Variants in MALT1 observed in about 807,000 individuals in gnomAD.
MALT1 encodes the protein mucosa-associated lymphoid tissue lymphoma translocation protein 1.
Under a neutral mutation model 85.5 loss-of-function variants are expected in MALT1, and 36 were observed. The ratio of observed to expected loss-of-function variants is 0.42; its 90% confidence interval spans 0.32 to 0.56. MALT1 has a LOEUF of 0.56. Among genes scored for constraint, MALT1 ranks in the 20% least tolerant of loss-of-function variants. The pLI, the probability that MALT1 is intolerant of heterozygous loss-of-function variation, is 0.10. For missense variants in MALT1, 716 were observed against 981.6 expected (o/e 0.73, Z 3.62); for synonymous variants, 359 against 361.3 (o/e 0.99, Z 0.07).
intron 1 of MALT1, among the ~76,000 whole-genome samples, chr18:58,673,134 ATTCTG>A (rs1716659752): frequency 6.6e-6 from 1 of 152,220 alleles, no homozygotes; most frequent in African/African-American, 2.4e-5. Flanking sequence ...GTCTCTTAAT[ATTCTG>A]TTATGTATAG....
intron 1 of MALT1, 124 bp downstream of exon 1, chr18:58,671,976 G>A (rs963317512): frequency 2.4e-5 from 14 of 584,054 alleles, no homozygotes; most frequent in African/African-American, 1.9e-4. Context: ...GAGCGGAGGT[G>A]GGGAGGACTT....
chr18:58,739,836 C>T (rs896525887), intron 13 of MALT1, among the ~76,000 whole-genome samples: 2 of 151,920 alleles, frequency 1.3e-5, no homozygotes, highest in African/African-American at 4.8e-5. Flanking sequence ...CACACGTGTA[C>T]GTGTACACAT....
At chr18:58,679,055 CG>C (rs2054281716) in intron 1 of MALT1, among the ~76,000 whole-genome samples, 1 of 152,164 alleles carries the variant, frequency 6.6e-6, no homozygotes, top group African/African-American at 2.4e-5. Context: ...GTTGATTGCT[CG>C]GTTTTTTCTT....
rs146336618 is a variant in MALT1 at position 58,710,820 on chromosome 18, G to T, written c.926-101G>T. 2.3e-4 allele frequency: 166 copies of T among 712,182 alleles called. 3 individuals carry two copies. In the African/African-American group the frequency reaches 3.1e-3, roughly 13 times the overall value. The allele number at this position is 712,182 out of a possible 1,614,324, so 44.1% of individuals were successfully genotyped here. Reference sequence around the variant, plus strand: ...GAGGTATTGATGCATGTGTTGGTTTGCCAACATTATCTCTATGATATTGAT... The same window carrying T: ...GAGGTATTGATGCATGTGTTGGTTTTCCAACATTATCTCTATGATATTGAT... On this transcript the variant is annotated intron_variant, in intron 6 of 16. Coordinates refer to ENST00000649217, the MANE Select transcript of MALT1 (RefSeq NM_006785.4).
At chr18:58,723,978 C>G (rs1053444898) in intron 10 of MALT1, among the ~76,000 whole-genome samples, 3 of 152,114 alleles carry the variant, frequency 2.0e-5, no homozygotes, top group Non-Finnish European at 1.5e-5. Context: ...TCATCTGAAC[C>G]GTGTTTTGCA....
intron 2 of MALT1, among the ~76,000 whole-genome samples, chr18:58,694,487 GAAAAT>G (rs1453936817): frequency 6.6e-6 from 1 of 152,130 alleles, no homozygotes; most frequent in African/African-American, 2.4e-5. Flanking sequence ...GACAAGGAAA[GAAAAT>G]AAAAGTAGGT....
At chr18:58,707,358 T>C (rs961873728) in intron 4 of MALT1, among the ~76,000 whole-genome samples, 11 of 150,838 alleles carry the variant, frequency 7.3e-5, no homozygotes, top group Non-Finnish European at 1.5e-4. Flanking sequence ...TGCTTTTCTT[T>C]TTCTTTTTTT....
chr18:58,704,990 C>T (rs2054725294), intron 4 of MALT1, among the ~76,000 whole-genome samples: 1 of 151,984 alleles, frequency 6.6e-6, no homozygotes, highest in African/African-American at 2.4e-5. Flanking sequence ...TTTTGATCCT[C>T]CTTTCCTGAC....
chr18:58,676,385 ATTG>A (rs773988701), intron 1 of MALT1, among the ~76,000 whole-genome samples: 1 of 151,200 alleles, frequency 6.6e-6, no homozygotes, highest in Non-Finnish European at 1.5e-5. Context: ...CAACTCTCCT[ATTG>A]TTTTTCCATC....
rs1183367798 is a variant in MALT1 at position 58,735,300 on chromosome 18, T to C, written c.1574T>C (p.Ile525Thr). 1.2e-6 allele frequency: 2 copies of C among 1,607,038 alleles called. No individual in the cohort carries two copies. The change falls in exon 13 of 17, where the codon ATC becomes ACC. Residue 525 changes from isoleucine (I) to threonine (T), a missense_variant. Physicochemically the swap from Ile to Thr is moderately conservative, Grantham distance 89. Transcript: ENST00000649217. ...GACAGATTATTAGAAGATAAGAAAA[T>C]CACTGTGTTACTGGATGAAGTTGCA... is the stretch of plus-strand genomic sequence containing the variant. ...LKDRLLEDKK[I>T]TVLLDEVAED...
At position 58,747,756 on chromosome 18, in the gene MALT1, C is replaced by CA. The variant is rs1025023413; in HGVS notation, c.2390dup (p.His797GlnfsTer3). Reference sequence around the variant, plus strand: ...AAGTTTCGCTCACCATGCTTCATGTCATTTTAGTAGAAGTAATGTGCCAGT... The same window carrying CA: ...AAGTTTCGCTCACCATGCTTCATGTCAATTTTAGTAGAAGTAATGTGCCAGT... On this transcript the variant is annotated frameshift_variant, in exon 17 of 17. Coordinates refer to ENST00000649217, the MANE Select transcript of MALT1 (RefSeq NM_006785.4). LOFTEE classifies it high-confidence loss of function. 6.2e-7 allele frequency: 1 copy of CA among 1,613,924 alleles called. No homozygotes were observed. The highest frequency in any genetic ancestry group is 1.3e-5 in the African/African-American group (1 of 74,946).
At chr18:58,731,985 T>C (rs2055157049) in intron 10 of MALT1, among the ~76,000 whole-genome samples, 1 of 152,160 alleles carries the variant, frequency 6.6e-6, no homozygotes, top group Non-Finnish European at 1.5e-5. Context: ...TTTTTCTCAT[T>C]TTAATCGAAA....
chr18:58,730,438 T>G (rs75659866), intron 10 of MALT1, among the ~76,000 whole-genome samples: 15,342 of 152,278 alleles, frequency 0.1, 1,048 homozygotes, highest in Admixed American at 0.16. Context: ...CTTCTTTCAC[T>G]TCACATGTTT....
rs2055436678 is a variant in MALT1, at chr18:58,750,836, C to T, written c.*2994C>T. The T allele has an allele frequency of 6.6e-6, 1 of 152,034 alleles. No homozygotes were observed. Among genetic ancestry groups the T allele is most frequent in the South Asian group, 2.1e-4 (1 of 4,814 alleles). The allele number at this position is 152,034 out of a possible 1,614,324, so 9.4% of individuals were successfully genotyped here. A position where few individuals can be genotyped will look rare whatever the true frequency, so the allele number is the denominator to read the frequency against. On this transcript the variant is annotated 3_prime_UTR_variant, in exon 17 of 17. Transcript: ENST00000649217. ...AGGAATGGTTTCTTAGACATAATAC[C>T]AAAAGCACAAGCAACAAAGGCAAAC...
intron 2 of MALT1, among the ~76,000 whole-genome samples, chr18:58,693,174 A>G (rs542928084): frequency 6.6e-6 from 1 of 152,248 alleles, no homozygotes; most frequent in East Asian, 1.9e-4. Context: ...TAATCCCACC[A>G]CTCTGGGAGG....
chr18:58,734,260 T>C, intron 11 of MALT1, 47 bp from the exon 12 acceptor site: 1 of 1,356,792 alleles, frequency 7.4e-7, no homozygotes, highest in Non-Finnish European at 1.1e-6. Context: ...AGAATGCTCT[T>C]TAACTTTTCA....
chr18:58,709,565 T>C lies in MALT1; in HGVS notation c.828+9T>C, dbSNP rs750591035. On this transcript the variant is annotated intron_variant, in intron 5 of 16. Coordinates refer to ENST00000649217, the MANE Select transcript of MALT1 (RefSeq NM_006785.4). ...CCAAAAAGCTATACATGGTAGGAAGTTGATTTTGGGGTCTTTTGGGGGAGT... is the reference window on the plus strand; with the variant it reads ...CCAAAAAGCTATACATGGTAGGAAGCTGATTTTGGGGTCTTTTGGGGGAGT... 1.9e-5 allele frequency: 30 copies of C among 1,584,502 alleles called. No homozygotes were observed. The Admixed American group carries it at 2.0e-4, about 11-fold the overall frequency.
intron 4 of MALT1, among the ~76,000 whole-genome samples, chr18:58,709,067 T>A (rs772759053): frequency 1.3e-4 from 20 of 152,216 alleles, no homozygotes; most frequent in Non-Finnish European, 2.9e-4. Flanking sequence ...CCAAACACAT[T>A]TAGAAGACAC....
rs372665783 is a variant in MALT1 at position 58,744,340 on chromosome 18, C to A, written c.1756C>A (p.Leu586Ile). ...RNLQWAKAHE[L>I]PESMCLKFDC... The stretch of plus-strand genomic sequence containing the variant: ...TTGTTCTTATTGTTCTTTTTCAGAA[C>A]TTCCAGAAAGTATGTGTCTTAAGTT... The change falls in exon 15 of 17, where the codon CTT becomes ATT. Residue 586 changes from leucine to isoleucine, a missense_variant and splice_region_variant. Physicochemically the swap from Leu to Ile is conservative, Grantham distance 5. Coordinates refer to ENST00000649217, the MANE Select transcript of MALT1 (RefSeq NM_006785.4). 58 of 1,586,172 alleles carry A rather than the reference C, an allele frequency of 3.7e-5. No homozygotes were observed. The highest frequency in any genetic ancestry group is 3.3e-4 in the Middle Eastern group (2 of 5,986).
Sources: allele counts gnomAD v4.1 joint callset (sites outside exome capture counted in the v4.1 genomes callset), GRCh38; gene constraint gnomAD v4.1.1; transcripts MANE v1.5; gene names NCBI Gene and HGNC (gene_info 2026-07-23, HGNC 2026-07-21).